The following RARS2 variants were observed in gnomAD, a reference collection of about 807,000 sequenced individuals.
The protein encoded by RARS2 is probable arginine--tRNA ligase, mitochondrial.
RARS2 carries 67 observed loss-of-function variants against 88.5 expected under a neutral mutation model. That is an observed-to-expected ratio of 0.76 (90% confidence interval 0.62 to 0.93). RARS2 has a LOEUF of 0.93. Ranked by LOEUF, RARS2 falls within the 40% of genes least tolerant of loss-of-function variation. RARS2 has a pLI of 0.00. For missense variants in RARS2, 664 were observed against 684.2 expected (o/e 0.97, Z 0.33); for synonymous variants, 239 against 230.3 (o/e 1.04, Z -0.34).
At chr6:87,579,011 A>G (rs1772539783) in intron 1 of RARS2, among the ~76,000 whole-genome samples, 1 of 151,680 alleles carries the variant, frequency 6.6e-6, no homozygotes, top group Admixed American at 6.6e-5. Context: ...TACTGAATAC[A>G]TACAATATAC....
chr6:87,589,788 G>A (rs1317457275), intron 1 of RARS2, 134 bp downstream of exon 1: 1 of 1,596,064 alleles, frequency 6.3e-7, no homozygotes, highest in Non-Finnish European at 8.5e-7. Context: ...CAGAGAAGGG[G>A]GAGGAGGTGG....
intron 5 of RARS2, among the ~76,000 whole-genome samples, chr6:87,551,796 AAG>A (rs913376665): frequency 3.3e-5 from 5 of 152,216 alleles, no homozygotes; most frequent in Non-Finnish European, 7.4e-5. Context: ...GTTTTGCGAG[AAG>A]AGTGTCTCAC....
At position 87,568,266 on chromosome 6, in the gene RARS2, G is replaced by C. The variant is rs561210006; in HGVS notation, c.110+1251C>G. Among the ~76,000 whole-genome samples the C allele has an allele frequency of 1.4e-4, 21 of 152,302 alleles. No homozygotes were observed. In the East Asian group the frequency reaches 2.9e-3, roughly 21 times the overall value. On this transcript the variant is annotated intron_variant, in intron 2 of 19. Coordinates refer to ENST00000369536, the MANE Select transcript of RARS2 (RefSeq NM_020320.5). ...TAATCCCAGTACTTTGGGAGACCAA[G>C]GCAAGGGGACTGCCTGAGCTCAGGA...
chr6:87,522,292 T>C (rs1774142068), intron 11 of RARS2, among the ~76,000 whole-genome samples: 1 of 136,966 alleles, frequency 7.3e-6, no homozygotes. Flanking sequence ...ATCGCACCAC[T>C]GCACTCCAGA....
chr6:87,524,866 T>C (rs529641201), intron 10 of RARS2, among the ~76,000 whole-genome samples: 32 of 152,336 alleles, frequency 2.1e-4, no homozygotes, highest in African/African-American at 7.7e-4. Flanking sequence ...TTGGTTATCT[T>C]AGCTTTTAAA....
intron 8 of RARS2, among the ~76,000 whole-genome samples, chr6:87,541,099 A>G (rs1780800942): frequency 6.6e-6 from 1 of 152,266 alleles, no homozygotes; most frequent in African/African-American, 2.4e-5. Flanking sequence ...ACCTGAAGAA[A>G]TACTGTCCCA....
At chr6:87,549,198 T>C (rs1370369981) in intron 5 of RARS2, among the ~76,000 whole-genome samples, 1 of 151,634 alleles carries the variant, frequency 6.6e-6, no homozygotes, top group African/African-American at 2.4e-5. Flanking sequence ...CTACTAAAAA[T>C]ACAAAAAATT....
Position 87,589,968 on chromosome 6 carries a change from A to C in RARS2, c.-11T>G. 1 of 1,614,206 alleles carries C rather than the reference A, an allele frequency of 6.2e-7. No individual in the cohort carries two copies. Among genetic ancestry groups the C allele is most frequent in the Non-Finnish European group, 8.5e-7 (1 of 1,180,028 alleles). On this transcript the variant is annotated 5_prime_UTR_variant, in exon 1 of 20. Transcript: ENST00000369536. Reference sequence around the variant, plus strand: ...AAAGCCGCACGCCATGTCCACCTCTACGGAAGTGCGCCGCAGTCCGCCAGT... The same window carrying C: ...AAAGCCGCACGCCATGTCCACCTCTCCGGAAGTGCGCCGCAGTCCGCCAGT...
chr6:87,564,107 AAG>A, intron 3 of RARS2, 21 bp downstream of exon 3: 3 of 1,534,250 alleles, frequency 2.0e-6, no homozygotes, highest in Middle Eastern at 3.4e-4. Flanking sequence ...CAATGTCAAA[AAG>A]AGATAATAGT....
chr6:87,557,864 T>G (rs1786494056), intron 4 of RARS2, among the ~76,000 whole-genome samples: 1 of 152,178 alleles, frequency 6.6e-6, no homozygotes, highest in Non-Finnish European at 1.5e-5. Flanking sequence ...TTAGGTGACT[T>G]AAACCACTCC....
rs1779156113 is a variant in RARS2, at chr6:87,536,305, A to G, written c.613-5363T>C. ...AGTAAATGATGACACCCTCATATCCATGATTCAGATTTAACACTTGTTAAC... is the reference window on the plus strand; with the variant it reads ...AGTAAATGATGACACCCTCATATCCGTGATTCAGATTTAACACTTGTTAAC... On this transcript the variant is annotated intron_variant, in intron 8 of 19. Coordinates refer to ENST00000369536, the MANE Select transcript of RARS2 (RefSeq NM_020320.5). 1.3e-5 allele frequency among the ~76,000 whole-genome samples: 2 copies of G among 152,206 alleles called. 1 individual carries two copies. The highest frequency in any genetic ancestry group is 4.1e-4 in the South Asian group (2 of 4,826).
chr6:87,528,726 G>GCA lies in RARS2; in HGVS notation c.878+814_878+815dup, dbSNP rs201382775. ...AGAAGTAGAATGGAGGTTACCAAGG[G>GCA]CAGGGAATGGGGAGATGTTGGTTAA... On this transcript the variant is annotated intron_variant, in intron 10 of 19. Coordinates refer to ENST00000369536, the MANE Select transcript of RARS2 (RefSeq NM_020320.5). Among the ~76,000 whole-genome samples, 30 of 152,286 alleles carry GCA rather than the reference G, an allele frequency of 2.0e-4. No homozygotes were observed. The East Asian group carries it at 3.9e-3, about 20-fold the overall frequency.
intron 1 of RARS2, among the ~76,000 whole-genome samples, chr6:87,587,364 T>C (rs1775475474): frequency 6.6e-6 from 1 of 152,222 alleles, no homozygotes; most frequent in Non-Finnish European, 1.5e-5. Context: ...TTTGCTCTTT[T>C]TTCCCCATGT....
intron 4 of RARS2, among the ~76,000 whole-genome samples, chr6:87,560,636 C>T (rs1012394180): frequency 9.9e-5 from 15 of 152,192 alleles, no homozygotes; most frequent in East Asian, 1.9e-4. Context: ...CGGTGGCTCA[C>T]GCCTGTAATG....
chr6:87,559,357 C>T (rs747415604), intron 4 of RARS2, among the ~76,000 whole-genome samples: 197 of 149,854 alleles, frequency 1.3e-3, no homozygotes, highest in South Asian at 2.7e-3. Context: ...ATCCCAGCTA[C>T]TTGGGAGGCT....
intron 8 of RARS2, among the ~76,000 whole-genome samples, chr6:87,538,942 G>C: frequency 6.6e-6 from 1 of 152,086 alleles, no homozygotes; most frequent in East Asian, 1.9e-4. Context: ...GCTGAGGTGG[G>C]AGAATCACCT....
chr6:87,550,039 C>A (rs763984532), intron 5 of RARS2, among the ~76,000 whole-genome samples: 12 of 152,100 alleles, frequency 7.9e-5, no homozygotes, highest in Non-Finnish European at 1.8e-4. Flanking sequence ...TTGTTATACA[C>A]CCTTAAGGGT....
intron 4 of RARS2, among the ~76,000 whole-genome samples, chr6:87,561,280 AT>A (rs1787776707): frequency 2.0e-5 from 3 of 152,164 alleles, no homozygotes; most frequent in African/African-American, 7.2e-5. Flanking sequence ...CAATTGTTTT[AT>A]GTGATTTTGT....
intron 1 of RARS2, among the ~76,000 whole-genome samples, chr6:87,573,937 CCT>C (rs1770610029): frequency 1.3e-5 from 2 of 152,130 alleles, no homozygotes; most frequent in South Asian, 4.1e-4. Context: ...ATGGAACAGC[CCT>C]GTTTGGCAAG....
Sources: gnomAD v4.1 joint callset for allele counts (sites outside exome capture counted in the v4.1 genomes callset) on GRCh38, gnomAD v4.1.1 for gene constraint, MANE v1.5 for transcripts, NCBI Gene and HGNC (gene_info 2026-07-23, HGNC 2026-07-21) for gene names.